Variants in SMAP2 observed in about 807,000 individuals in gnomAD.
SMAP2 encodes small ArfGAP2, also known as stromal membrane-associated protein 2.
SMAP2 carries 25 observed loss-of-function variants against 56.4 expected under a neutral mutation model. The observed-to-expected ratio is 0.44, with a 90% CI of 0.32 to 0.62. SMAP2 has a LOEUF of 0.62. Ranked by LOEUF, SMAP2 falls within the 20% of genes least tolerant of loss-of-function variation. The pLI, the probability that SMAP2 is intolerant of heterozygous loss-of-function variation, is 0.04. For missense variants in SMAP2, 388 were observed against 545.6 expected (o/e 0.71, Z 2.88); for synonymous variants, 157 against 181.7 (o/e 0.86, Z 1.09).
intron 1 of SMAP2, among the ~76,000 whole-genome samples, chr1:40,360,196 C>T (rs562313707): frequency 1.2e-4 from 18 of 150,884 alleles, no homozygotes; most frequent in African/African-American, 1.9e-4. Context: ...TTAGTAGAGA[C>T]GGGGTTTCAC....
chr1:40,408,542 T>G lies in SMAP2; in HGVS notation c.238-111T>G. 1.3e-6 allele frequency: 1 copy of G among 768,796 alleles called. No homozygotes were observed. The highest frequency in any genetic ancestry group is 2.2e-6 in the Non-Finnish European group (1 of 459,574). The allele number at this position is 768,796 out of a possible 1,614,324, so 47.6% of individuals were successfully genotyped here. ...AATACACAAGTTTAAATGTTGGTTCTGACACTCTCTAGGTTGGTTCTTCAA... is the reference window on the plus strand; with the variant it reads ...AATACACAAGTTTAAATGTTGGTTCGGACACTCTCTAGGTTGGTTCTTCAA... On this transcript the variant is annotated intron_variant, in intron 2 of 9. Transcript: ENST00000372718. This position sits in a 1 kb window ranked among gnomAD's most constrained non-coding sequence, Gnocchi z 4.3.
chr1:40,417,373 C>T (rs1644999677), intron 9 of SMAP2, among the ~76,000 whole-genome samples: 3 of 152,072 alleles, frequency 2.0e-5, no homozygotes, highest in Admixed American at 2.0e-4. Context: ...CAAAGAAACC[C>T]TGTACAAACA....
chr1:40,400,618 A>G (rs1368209737), intron 1 of SMAP2, among the ~76,000 whole-genome samples: 1 of 152,320 alleles, frequency 6.6e-6, no homozygotes, highest in Non-Finnish European at 1.5e-5. Context: ...GACTGACGCA[A>G]TGGAATGGAT....
chr1:40,409,022 G>A (rs1644911177), intron 3 of SMAP2, among the ~76,000 whole-genome samples: 1 of 152,108 alleles, frequency 6.6e-6, no homozygotes, highest in African/African-American at 2.4e-5. Flanking sequence ...AGTTTATTTT[G>A]GATCTCTGAA....
intron 1 of SMAP2, among the ~76,000 whole-genome samples, chr1:40,355,103 A>T (rs1471359935): frequency 6.6e-6 from 1 of 152,050 alleles, no homozygotes; most frequent in Non-Finnish European, 1.5e-5. Flanking sequence ...GCCTCATTGA[A>T]GGTTTTACAG....
chr1:40,377,182 A>G (rs1215668087), intron 1 of SMAP2, among the ~76,000 whole-genome samples: 1 of 152,134 alleles, frequency 6.6e-6, no homozygotes, highest in Non-Finnish European at 1.5e-5. Context: ...GCTACTCAGG[A>G]GGCTGAGGCA....
intron 1 of SMAP2, among the ~76,000 whole-genome samples, chr1:40,396,602 A>G (rs1225348879): frequency 6.6e-6 from 1 of 152,196 alleles, no homozygotes; most frequent in Admixed American, 6.5e-5. Flanking sequence ...GCCCAGATGG[A>G]AAGGGACTTG....
At chr1:40,403,669 C>T (rs1199458024) in intron 1 of SMAP2, 1 of 983,936 alleles carries the variant, frequency 1.0e-6, no homozygotes, top group Non-Finnish European at 1.2e-6. Flanking sequence ...CAGTTATTGT[C>T]CCTCTGTGTT....
chr1:40,388,195 G>A (rs1157112794), intron 1 of SMAP2, among the ~76,000 whole-genome samples: 5 of 152,150 alleles, frequency 3.3e-5, no homozygotes, highest in South Asian at 4.1e-4. Context: ...CCTGCTCCAC[G>A]GCACCCGGTC....
rs775408458 is a variant in SMAP2, at chr1:40,360,004, C to CTTTTTTTTTTT, written c.-82-2286_-82-2276dup. On this transcript the variant is annotated intron_variant, in intron 1 of 6. Transcript: ENST00000435168. ...ACAGACTTTTTTCTTCTTCTTCTTTCTTTTTTTTTTTTTTTTTTTTGAGAT... is the reference window on the plus strand; with the variant it reads ...ACAGACTTTTTTCTTCTTCTTCTTTCTTTTTTTTTTTTTTTTTTTTTTTTTTTTTTTGAGAT... Among the ~76,000 whole-genome samples the CTTTTTTTTTTT allele has an allele frequency of 1.3e-3, 137 of 102,450 alleles. 1 individual carries two copies. Among genetic ancestry groups the CTTTTTTTTTTT allele is most frequent in the Non-Finnish European group, 1.4e-3 (78 of 55,058 alleles). The allele number at this position is 102,450 out of a possible 152,430, so 67.2% of individuals were successfully genotyped here.
intron 1 of SMAP2, among the ~76,000 whole-genome samples, chr1:40,348,694 A>C (rs914825036): frequency 6.6e-6 from 1 of 152,166 alleles, no homozygotes; most frequent in East Asian, 1.9e-4. Context: ...AAAAAAAATT[A>C]ATAAACTTAT....
At chr1:40,359,723 A>G (rs1347850097) in intron 1 of SMAP2, among the ~76,000 whole-genome samples, 1 of 152,008 alleles carries the variant, frequency 6.6e-6, no homozygotes, top group Non-Finnish European at 1.5e-5. Flanking sequence ...AGGACTGCAA[A>G]TCATCTCTTA....
chr1:40,398,825 T>G (rs1432003144), intron 1 of SMAP2, among the ~76,000 whole-genome samples: 1 of 152,184 alleles, frequency 6.6e-6, no homozygotes, highest in Non-Finnish European at 1.5e-5. Flanking sequence ...AATTAATCTT[T>G]AAGCAAATGT....
chr1:40,408,092 A>G lies in SMAP2; in HGVS notation c.238-561A>G, dbSNP rs1410195642. On this transcript the variant is annotated intron_variant, in intron 2 of 9. Coordinates refer to ENST00000372718, the MANE Select transcript of SMAP2 (RefSeq NM_022733.3). This position sits in a 1 kb window ranked among gnomAD's most constrained non-coding sequence, Gnocchi z 4.3. Reference sequence around the variant, plus strand: ...TTAGAAATTGCTTTAGATTGTATTTATAGATGTATTAAAGGTCTAAAAAGG... The same window carrying G: ...TTAGAAATTGCTTTAGATTGTATTTGTAGATGTATTAAAGGTCTAAAAAGG... 6.6e-6 allele frequency among the ~76,000 whole-genome samples: 1 copy of G among 152,120 alleles called. No homozygotes were observed. Among genetic ancestry groups the G allele is most frequent in the East Asian group, 1.9e-4 (1 of 5,188 alleles).
At chr1:40,400,178 A>T (rs1488678641) in intron 1 of SMAP2, among the ~76,000 whole-genome samples, 1 of 152,148 alleles carries the variant, frequency 6.6e-6, no homozygotes, top group African/African-American at 2.4e-5. Flanking sequence ...TACAAAGTCC[A>T]GCAAGCCCTG....
chr1:40,345,108 A>G (rs1037752301), intron 1 of SMAP2, among the ~76,000 whole-genome samples: 2 of 152,030 alleles, frequency 1.3e-5, no homozygotes, highest in Non-Finnish European at 2.9e-5. Context: ...GTCATTTGTA[A>G]AAGGCAAAAT....
Position 40,409,887 on chromosome 1 carries a change from A to G in SMAP2, c.402+52A>G, listed in dbSNP as rs773510537. The G allele has an allele frequency of 9.2e-6, 11 of 1,198,590 alleles. No homozygotes were observed. In the South Asian group the frequency reaches 1.3e-4, roughly 15 times the overall value. The allele number at this position is 1,198,590 out of a possible 1,614,324, so 74.2% of individuals were successfully genotyped here. A position where few individuals can be genotyped will look rare whatever the true frequency, so the allele number is the denominator to read the frequency against. ...TCCACAATAAGTAATGTGCTTATTA[A>G]ATCAGGCCAGAGAACACGTTGAAGA... is the stretch of plus-strand genomic sequence containing the variant. On this transcript the variant is annotated intron_variant, in intron 4 of 9. Coordinates refer to ENST00000372718, the MANE Select transcript of SMAP2 (RefSeq NM_022733.3).
intron 9 of SMAP2, among the ~76,000 whole-genome samples, chr1:40,419,801 A>G (rs1441489540): frequency 2.0e-5 from 3 of 152,246 alleles, no homozygotes; most frequent in Admixed American, 6.5e-5. Flanking sequence ...AGAGACAGGC[A>G]AAGGAACCCC....
At chr1:40,365,709 C>T (rs11207959) in intron 2 of SMAP2, among the ~76,000 whole-genome samples, 21,417 of 152,016 alleles carry the variant, frequency 0.14, 2,489 homozygotes, top group African/African-American at 0.32. Context: ...TGTACATCAC[C>T]ATCATCACAG....
Sources: allele counts gnomAD v4.1 joint callset (sites outside exome capture counted in the v4.1 genomes callset), GRCh38; gene constraint gnomAD v4.1.1; non-coding constraint Gnocchi (gnomAD v3.1); transcripts MANE v1.5; gene names NCBI Gene and HGNC (gene_info 2026-07-23, HGNC 2026-07-21).